The following SMIM13 variants were observed in gnomAD, a reference collection of about 807,000 sequenced individuals.
The protein encoded by SMIM13 is small integral membrane protein 13.
In SMIM13, 3 loss-of-function variants were observed where a neutral mutation model predicts 5.9. That is an observed-to-expected ratio of 0.51 (90% CI 0.23 to 1.31). SMIM13 has a LOEUF of 1.31. SMIM13 is among the 40% of genes most tolerant of loss of function. The pLI is 0.18. For synonymous variants in SMIM13, 55 were observed against 46.0 expected (o/e 1.19, Z -0.79); for missense variants, 85 against 109.9 (o/e 0.77, Z 1.01).
At position 11,127,890 on chromosome 6, in the gene SMIM13, C is replaced by G. The variant is rs1005502212; in HGVS notation, c.77-6513C>G. 2.6e-5 allele frequency among the ~76,000 whole-genome samples: 4 copies of G among 152,138 alleles called. No homozygotes were observed. In the South Asian group the frequency reaches 8.3e-4, roughly 32 times the overall value. On this transcript the variant is annotated intron_variant, in intron 1 of 1. Transcript: ENST00000416247. ...TCAGTTAGCTTGTGGTGAATGCTGT[C>G]AGGACTTAGTCTCTCCTTCAGGACA... is the stretch of plus-strand genomic sequence containing the variant.
rs368676514 is a variant in SMIM13, at chr6:11,114,708, C to T, written c.77-19695C>T. 3.4e-4 allele frequency among the ~76,000 whole-genome samples: 49 copies of T among 145,348 alleles called. 1 individual carries two copies. In the South Asian group the frequency reaches 9.8e-3, roughly 29 times the overall value. On this transcript the variant is annotated intron_variant, in intron 1 of 1. Transcript: ENST00000416247. ...CCTCCTCCCAGGCTTAAGTGATTCT[C>T]GTGCCTCAGCCTCCTAAGTAGCTGG... is the stretch of plus-strand genomic sequence containing the variant.
At chr6:11,118,524 C>T (rs1758269746) in intron 1 of SMIM13, among the ~76,000 whole-genome samples, 1 of 152,130 alleles carries the variant, frequency 6.6e-6, no homozygotes, top group African/African-American at 2.4e-5. Context: ...CTGATTAAAC[C>T]ATACGTTTCG....
intron 1 of SMIM13, among the ~76,000 whole-genome samples, 190 bp from the exon 2 acceptor site, chr6:11,134,213 T>C (rs1219838925): frequency 6.6e-6 from 1 of 152,204 alleles, no homozygotes; most frequent in African/African-American, 2.4e-5. Flanking sequence ...GAGACTGTTT[T>C]TGTCATTACT....
intron 1 of SMIM13, among the ~76,000 whole-genome samples, chr6:11,113,534 G>A (rs1480326532): frequency 2.0e-5 from 3 of 151,984 alleles, no homozygotes; most frequent in Non-Finnish European, 4.4e-5. Flanking sequence ...GTTTTTATCA[G>A]ATATGTTTTG....
intron 1 of SMIM13, among the ~76,000 whole-genome samples, chr6:11,124,885 C>A (rs867208886): frequency 3.0e-4 from 46 of 152,096 alleles, no homozygotes; most frequent in African/African-American, 1.1e-3. Flanking sequence ...TTGACTAAAT[C>A]CCCTAGCGGG....
intron 1 of SMIM13, among the ~76,000 whole-genome samples, chr6:11,114,592 CTTTTTTTTTTTTTT>C (rs58585640): frequency 4.6e-5 from 1 of 21,826 alleles, no homozygotes; most frequent in African/African-American, 2.1e-4. Flanking sequence ...CACTTTTTCT[CTTTTTTTTTTTTTT>C]TTTTTTTTTT....
In SMIM13 at chr6:11,135,886, G is replaced by A. The variant is rs748915249; in HGVS notation, c.*1284G>A. 1 of 152,160 alleles carries A rather than the reference G, an allele frequency of 6.6e-6. No homozygotes were observed. Among genetic ancestry groups the A allele is most frequent in the Non-Finnish European group, 1.5e-5 (1 of 68,026 alleles). 9.4% of individuals were successfully genotyped at this position (152,160 alleles called of 1,614,324 possible). On this transcript the variant is annotated 3_prime_UTR_variant, in exon 2 of 2. Transcript: ENST00000416247. ...TACATATGGTGCATCTTAACAATTG[G>A]TAGTGTCTTAGGTTAAATTAAAAAT... is the stretch of plus-strand genomic sequence containing the variant.
chr6:11,134,501 G>A lies in SMIM13; in HGVS notation c.175G>A (p.Gly59Arg). Residue 59 changes from glycine (G) to arginine (R), a missense_variant, in exon 2 of 2, where the codon GGG becomes AGG. Gly to Arg is a moderately radical substitution (Grantham distance 125, BLOSUM62 -2). Coordinates refer to ENST00000416247, the MANE Select transcript of SMIM13 (RefSeq NM_001135575.2). Reference sequence around the variant, plus strand: ...CCAAGAGGGAGATCATGAGCCTTCAGGGTCTGAAACTGAAGAAGACACTTC... The same window carrying A: ...CCAAGAGGGAGATCATGAGCCTTCAAGGTCTGAAACTGAAGAAGACACTTC... ...GSQEGDHEPSGSETEEDTSSS... is the reference protein window; with the variant it reads ...GSQEGDHEPSRSETEEDTSSS... 3 of 1,551,250 alleles carry A rather than the reference G, an allele frequency of 1.9e-6. No homozygotes were observed. The highest frequency in any genetic ancestry group is 2.6e-6 in the Non-Finnish European group (3 of 1,146,686).
At chr6:11,097,321 C>A (rs1351040702) in intron 1 of SMIM13, among the ~76,000 whole-genome samples, 1 of 152,154 alleles carries the variant, frequency 6.6e-6, no homozygotes, top group Non-Finnish European at 1.5e-5. Context: ...TATGGCTCCT[C>A]ACCCTATGAC....
intron 1 of SMIM13, chr6:11,111,689 T>G (rs780225803): frequency 3.3e-5 from 5 of 152,204 alleles, no homozygotes; most frequent in Non-Finnish European, 7.3e-5. Flanking sequence ...CTAGGGAAGG[T>G]ATCCGAGTCA....
At chr6:11,109,009 G>A (rs1758131195) in intron 1 of SMIM13, among the ~76,000 whole-genome samples, 1 of 152,192 alleles carries the variant, frequency 6.6e-6, no homozygotes, top group South Asian at 2.1e-4. Context: ...AGGAACATGT[G>A]GGTCCTTGCT....
At position 11,137,836 on chromosome 6, in the gene SMIM13, G is replaced by T. The variant is rs994632362; in HGVS notation, c.*3234G>T. 6.6e-6 allele frequency: 1 copy of T among 152,118 alleles called. No individual in the cohort carries two copies. Among genetic ancestry groups the T allele is most frequent in the African/African-American group, 2.4e-5 (1 of 41,422 alleles). The allele number at this position is 152,118 out of a possible 1,614,324, so 9.4% of individuals were successfully genotyped here. ...TTCACTTGATGGATTTTGTAGTGATGTTTTCACAGTTGAAACAAACATATT... is the reference window on the plus strand; with the variant it reads ...TTCACTTGATGGATTTTGTAGTGATTTTTTCACAGTTGAAACAAACATATT... On this transcript the variant is annotated 3_prime_UTR_variant, in exon 2 of 2. Coordinates refer to ENST00000416247, the MANE Select transcript of SMIM13 (RefSeq NM_001135575.2).
chr6:11,113,988 T>TTTA (rs1554119082), intron 1 of SMIM13, among the ~76,000 whole-genome samples: 2 of 150,740 alleles, frequency 1.3e-5, no homozygotes, highest in Non-Finnish European at 1.5e-5. Context: ...TTTTTTTTTT[T>TTTA]AATTTTTTTG....
At chr6:11,126,759 A>G (rs1039818296) in intron 1 of SMIM13, among the ~76,000 whole-genome samples, 2 of 152,052 alleles carry the variant, frequency 1.3e-5, no homozygotes, top group South Asian at 2.1e-4. Flanking sequence ...GTTTGTACCT[A>G]TCCTTCTTGG....
chr6:11,104,046 A>T (rs1000088105), intron 1 of SMIM13: 1 of 1,551,712 alleles, frequency 6.4e-7, no homozygotes. Flanking sequence ...TGCCGTTAAC[A>T]TGTCTAGTCC....
chr6:11,101,587 G>A (rs563055702), intron 1 of SMIM13, among the ~76,000 whole-genome samples: 13 of 152,132 alleles, frequency 8.5e-5, no homozygotes, highest in African/African-American at 3.1e-4. Context: ...CGATTGATTG[G>A]TCAAAGAGTG....
chr6:11,104,794 G>A (rs771992064), intron 1 of SMIM13: 4 of 1,614,202 alleles, frequency 2.5e-6, no homozygotes, highest in Non-Finnish European at 3.4e-6. Context: ...GGAGGTTTGG[G>A]GAATCTTGGT....
At chr6:11,129,911 T>G (rs904558961) in intron 1 of SMIM13, among the ~76,000 whole-genome samples, 1 of 152,196 alleles carries the variant, frequency 6.6e-6, no homozygotes, top group Non-Finnish European at 1.5e-5. Context: ...TAATAATGGT[T>G]TTTTCCCTCA....
chr6:11,136,687 C>T lies in SMIM13; in HGVS notation c.*2085C>T, dbSNP rs918498414. The T allele has an allele frequency of 6.6e-6, 1 of 152,024 alleles. No homozygotes were observed. Among genetic ancestry groups the T allele is most frequent in the Admixed American group, 6.6e-5 (1 of 15,246 alleles). The allele number at this position is 152,024 out of a possible 1,614,324, so 9.4% of individuals were successfully genotyped here. ...CTAGCAGCTGAGAGCAAGGCACAGT[C>T]TCTGTCTTCATTTCTTTATTAGATA... On this transcript the variant is annotated 3_prime_UTR_variant, in exon 2 of 2. Transcript: ENST00000416247.
Sources: allele counts gnomAD v4.1 joint callset (sites outside exome capture counted in the v4.1 genomes callset), GRCh38; gene constraint gnomAD v4.1.1; transcripts MANE v1.5; gene names NCBI Gene and HGNC (gene_info 2026-07-23, HGNC 2026-07-21).